Variants in PNPT1 observed in about 807,000 individuals in gnomAD.
PNPT1 encodes polyribonucleotide nucleotidyltransferase 1, mitochondrial.
PNPT1 carries 53 observed loss-of-function variants against 119.5 expected under a neutral mutation model. The ratio of observed to expected loss-of-function variants is 0.44; its 90% CI spans 0.36 to 0.56. The LOEUF is 0.56. Among genes scored for constraint, PNPT1 ranks in the 20% least tolerant of loss-of-function variants. The pLI, the probability that PNPT1 is intolerant of heterozygous loss-of-function variation, is 0.00. For missense variants in PNPT1, 948 were observed against 938.5 expected, an observed-to-expected ratio of 1.01 and a Z score of -0.13; for synonymous variants, 357 against 322.1, an observed-to-expected ratio of 1.11 and a Z score of -1.16.
rs557925179 is a variant in PNPT1, at chr2:55,643,793, A to G, written c.1907-368T>C. 4.6e-5 allele frequency among the ~76,000 whole-genome samples: 7 copies of G among 152,140 alleles called. No individual in the cohort carries two copies. In the South Asian group the frequency reaches 1.5e-3, roughly 32 times the overall value. On this transcript the variant is annotated intron_variant, in intron 23 of 27. Coordinates refer to ENST00000447944, the MANE Select transcript of PNPT1 (RefSeq NM_033109.5). ...CAGTGGAAACTCGTCTTAAAAATAG[A>G]TGTGAGAATAGGAGGGACCTATTAG...
intron 5 of PNPT1, among the ~76,000 whole-genome samples, chr2:55,681,986 AC>A (rs1697263109): frequency 2.6e-5 from 4 of 152,142 alleles, no homozygotes; most frequent in Non-Finnish European, 5.9e-5. Context: ...CTAAAAAAAT[AC>A]AAAAAATTAG....
chr2:55,687,753 C>A (rs767747483), intron 1 of PNPT1, 48 bp from the exon 2 acceptor site: 4 of 1,387,864 alleles, frequency 2.9e-6, no homozygotes, highest in South Asian at 1.3e-5. Flanking sequence ...GTCATCTGTA[C>A]AATTCCTGCT....
At chr2:55,682,494 G>A (rs1697278986) in intron 5 of PNPT1, among the ~76,000 whole-genome samples, 1 of 151,916 alleles carries the variant, frequency 6.6e-6, no homozygotes, top group African/African-American at 2.4e-5. Flanking sequence ...AAGCATAGAT[G>A]AAACAAACTT....
At chr2:55,687,518 C>T in intron 2 of PNPT1, 127 bp downstream of exon 2, 3 of 678,566 alleles carry the variant, frequency 4.4e-6, no homozygotes, top group Non-Finnish European at 7.4e-6. Flanking sequence ...TAGAAATTAT[C>T]TTAGTAGTAT....
At chr2:55,676,040 C>T (rs537567040) in intron 8 of PNPT1, among the ~76,000 whole-genome samples, 4 of 152,052 alleles carry the variant, frequency 2.6e-5, no homozygotes, top group African/African-American at 9.7e-5. Flanking sequence ...GCAGGTGGAT[C>T]ACCTGAGTTC....
chr2:55,674,258 G>A (rs572894603), intron 8 of PNPT1, among the ~76,000 whole-genome samples: 8 of 152,250 alleles, frequency 5.3e-5, no homozygotes, highest in African/African-American at 1.7e-4. Flanking sequence ...AGAAGACATC[G>A]TGGACTGTTA....
chr2:55,688,763 C>A (rs35313487), intron 1 of PNPT1, among the ~76,000 whole-genome samples: 35,545 of 150,978 alleles, frequency 0.24, 4,298 homozygotes, highest in Admixed American at 0.29. Context: ...ACAACAACAA[C>A]AACAAAAAAC....
intron 3 of PNPT1, among the ~76,000 whole-genome samples, chr2:55,685,399 G>A (rs1697374839): frequency 6.6e-6 from 1 of 152,146 alleles, no homozygotes; most frequent in African/African-American, 2.4e-5. Flanking sequence ...ACAATGGCCT[G>A]TGCCCATAGT....
chr2:55,693,676 C>A lies in PNPT1; in HGVS notation c.148G>T (p.Asp50Tyr), dbSNP rs1221287183. 6.2e-7 allele frequency: 1 copy of A among 1,614,102 alleles called. No homozygotes were observed. The highest frequency in any genetic ancestry group is 2.2e-5 in the East Asian group (1 of 44,894). The change falls in exon 1 of 28, where the codon GAC (aspartate) becomes TAC (tyrosine). Residue 50 changes from aspartate (D) to tyrosine (Y), a missense_variant. Asp to Tyr is a radical substitution (Grantham distance 160). Coordinates refer to ENST00000447944, the MANE Select transcript of PNPT1 (RefSeq NM_033109.5). ...SSAGSRAVAV[D>Y]LGNRKLEISS... ...GTCACTCCTTACCTGTTGCCTAAGT[C>A]CACGGCCACAGCTCGAGACCCTGCG...
At chr2:55,667,792 A>G (rs1268390154) in intron 12 of PNPT1, 70 bp downstream of exon 12, 5 of 1,540,684 alleles carry the variant, frequency 3.2e-6, no homozygotes, top group Non-Finnish European at 4.3e-6. Flanking sequence ...TCTTTGATCA[A>G]GTTTCCATTT....
Position 55,686,459 on chromosome 2 carries a change from A to G in PNPT1, c.223-15T>C, listed in dbSNP as rs1392187512. On this transcript the variant is annotated splice_polypyrimidine_tract_variant and intron_variant, in intron 2 of 27. Transcript: ENST00000447944. ...GTGTCACCTGACTTAAACATAAAGA[A>G]CAACGCTGGTAAGTTCCTTTGAAAT... The G allele has an allele frequency of 1.4e-5, 22 of 1,605,844 alleles. No individual in the cohort carries two copies. Among genetic ancestry groups the G allele is most frequent in the Non-Finnish European group, 1.9e-5 (22 of 1,173,518 alleles).
chr2:55,648,247 G>C (rs1696065687), intron 18 of PNPT1, among the ~76,000 whole-genome samples: 1 of 152,108 alleles, frequency 6.6e-6, no homozygotes, highest in African/African-American at 2.4e-5. Context: ...TCTGCACCTT[G>C]CCTTTTTCAC....
Position 55,679,697 on chromosome 2 carries a change from G to T in PNPT1, c.664C>A (p.Pro222Thr). The T allele has an allele frequency of 6.2e-7, 1 of 1,606,854 alleles. No homozygotes were observed. The highest frequency in any genetic ancestry group is 8.5e-7 in the Non-Finnish European group (1 of 1,174,880). The change falls in exon 8 of 28, where the codon CCT (proline) becomes ACT (threonine). Residue 222 changes from proline to threonine, a missense_variant. Coordinates refer to ENST00000447944, the MANE Select transcript of PNPT1 (RefSeq NM_033109.5). ...AACAACTTACCAATCTGACTTTTAG[G>T]TGCTCCAGCAACCACTAAATTTAAA... ...STLNLVVAGAPKSQIVMLEAS... is the reference protein window; with the variant it reads ...STLNLVVAGATKSQIVMLEAS...
intron 15 of PNPT1, among the ~76,000 whole-genome samples, chr2:55,657,702 G>C (rs181525881): frequency 6.6e-6 from 1 of 151,678 alleles, no homozygotes; most frequent in African/African-American, 2.4e-5. Flanking sequence ...GATGGAGCAG[G>C]AATCTGATTA....
intron 8 of PNPT1, among the ~76,000 whole-genome samples, chr2:55,676,900 A>C (rs1267741527): frequency 1.3e-5 from 2 of 152,134 alleles, no homozygotes; most frequent in South Asian, 2.1e-4. Context: ...TAAATGACTA[A>C]ATATTTTAAT....
intron 22 of PNPT1, 25 bp downstream of exon 22, chr2:55,645,324 G>C (rs375020061): frequency 1.9e-6 from 3 of 1,541,548 alleles, no homozygotes; most frequent in South Asian, 1.1e-5. Flanking sequence ...GCGCCCAGCC[G>C]ATCACTAAAA....
chr2:55,638,662 G>A (rs769036740), intron 26 of PNPT1, among the ~76,000 whole-genome samples: 39 of 152,078 alleles, frequency 2.6e-4, no homozygotes, highest in Admixed American at 5.9e-4. Flanking sequence ...ACCCTCTCAA[G>A]TTGTAGATAA....
In PNPT1 at chr2:55,643,311, A is replaced by G; in HGVS notation, c.2013+8T>C. ...ATATGATACGTAATTAATATGATCT[A>G]TACTTACATCATCCTTGCAGATTTC... On this transcript the variant is annotated splice_region_variant and intron_variant, in intron 24 of 27. Coordinates refer to ENST00000447944, the MANE Select transcript of PNPT1 (RefSeq NM_033109.5). 6.2e-7 allele frequency: 1 copy of G among 1,612,906 alleles called. No individual in the cohort carries two copies. Among genetic ancestry groups the G allele is most frequent in the African/African-American group, 1.3e-5 (1 of 75,044 alleles).
chr2:55,676,207 C>T (rs764036209), intron 8 of PNPT1, among the ~76,000 whole-genome samples: 51 of 134,538 alleles, frequency 3.8e-4, no homozygotes, highest in Middle Eastern at 4.3e-3. Context: ...TGCAGTGAGC[C>T]GAGATTGCGC....
Sources: gnomAD v4.1 joint callset for allele counts (sites outside exome capture counted in the v4.1 genomes callset) on GRCh38, gnomAD v4.1.1 for gene constraint, MANE v1.5 for transcripts, NCBI Gene and HGNC (gene_info 2026-07-23, HGNC 2026-07-21) for gene names.